BICC1: variants seen among roughly 807,000 people sequenced by gnomAD.
The protein encoded by BICC1 is BicC family RNA binding protein 1.
A neutral mutation model predicts 111.0 loss-of-function variants in BICC1; 43 were observed. The observed-to-expected ratio is 0.39, with a 90% CI of 0.30 to 0.50. The LOEUF is 0.50. Among genes scored for constraint, BICC1 ranks in the 20% least tolerant of loss-of-function variants. BICC1 has a pLI of 0.88. For missense variants in BICC1, 1,091 were observed against 1,203.2 expected, an observed-to-expected ratio of 0.91 and a Z score of 1.38; for synonymous variants, 467 against 434.4, an observed-to-expected ratio of 1.07 and a Z score of -0.93.
chr10:58,551,682 A>G (rs1843298902), intron 1 of BICC1, among the ~76,000 whole-genome samples: 1 of 152,076 alleles, frequency 6.6e-6, no homozygotes, highest in African/African-American at 2.4e-5. Context: ...GGTAACCATC[A>G]TTCTACTATT....
chr10:58,532,301 G>GA (rs35894257), intron 1 of BICC1, among the ~76,000 whole-genome samples: 4,527 of 149,248 alleles, frequency 0.03, 208 homozygotes, highest in African/African-American at 0.11. Flanking sequence ...TATGTATTAT[G>GA]AAAAAAAAAA....
chr10:58,641,202 G>T (rs773775210), intron 2 of BICC1, among the ~76,000 whole-genome samples: 10 of 152,144 alleles, frequency 6.6e-5, no homozygotes, highest in Non-Finnish European at 1.5e-4. Flanking sequence ...AACCACAGGG[G>T]TTGCTAACAG....
At chr10:58,823,729 C>T (rs1844317272) in intron 20 of BICC1, 1 of 984,922 alleles carries the variant, frequency 1.0e-6, no homozygotes, top group Non-Finnish European at 1.2e-6. Flanking sequence ...GTATGTTATT[C>T]CCCCGTGAGA....
chr10:58,553,088 A>G (rs1216338684), intron 1 of BICC1, among the ~76,000 whole-genome samples: 1 of 152,128 alleles, frequency 6.6e-6, no homozygotes, highest in African/African-American at 2.4e-5. Context: ...TCATCCCTAT[A>G]ATCTGTTAAT....
At chr10:58,675,560 TA>T (rs200325862) in intron 2 of BICC1, among the ~76,000 whole-genome samples, 2 of 150,770 alleles carry the variant, frequency 1.3e-5, no homozygotes, top group South Asian at 2.1e-4. Context: ...ATGTGGAAAA[TA>T]AAAAAAAATC....
intron 3 of BICC1, among the ~76,000 whole-genome samples, chr10:58,733,468 T>A (rs757517493): frequency 6.6e-6 from 1 of 152,198 alleles, no homozygotes; most frequent in Non-Finnish European, 1.5e-5. Context: ...AAAACTAGAG[T>A]AATAATCACA....
At chr10:58,787,645 C>T (rs948906995) in intron 5 of BICC1, among the ~76,000 whole-genome samples, 2 of 152,178 alleles carry the variant, frequency 1.3e-5, no homozygotes, top group Non-Finnish European at 2.9e-5. Context: ...GAAGTATTCT[C>T]TCTTCTAAAC....
chr10:58,719,034 G>A (rs769301703), intron 3 of BICC1, among the ~76,000 whole-genome samples: 4 of 152,130 alleles, frequency 2.6e-5, no homozygotes, highest in Non-Finnish European at 5.9e-5. Context: ...ACTTCAGTAT[G>A]TTATTTTGAA....
chr10:58,546,947 A>G lies in BICC1; in HGVS notation c.190+33614A>G, dbSNP rs1843154451. On this transcript the variant is annotated intron_variant, in intron 1 of 20. Transcript: ENST00000373886. ...GCTTAAATTGGTACCTAGAGACCTAATGGAGGTTTCTTATTTTCTTCACTG... is the reference window on the plus strand; with the variant it reads ...GCTTAAATTGGTACCTAGAGACCTAGTGGAGGTTTCTTATTTTCTTCACTG... 2.0e-5 allele frequency among the ~76,000 whole-genome samples: 3 copies of G among 152,262 alleles called. No individual in the cohort carries two copies. The South Asian group carries it at 6.2e-4, about 32-fold the overall frequency.
At chr10:58,594,738 A>G (rs1844754795) in intron 1 of BICC1, among the ~76,000 whole-genome samples, 1 of 152,214 alleles carries the variant, frequency 6.6e-6, no homozygotes, top group African/African-American at 2.4e-5. Flanking sequence ...CTAAAAATGG[A>G]AAGGAACAAC....
chr10:58,627,084 A>G (rs1837655663), intron 2 of BICC1, among the ~76,000 whole-genome samples: 1 of 152,182 alleles, frequency 6.6e-6, no homozygotes, highest in Non-Finnish European at 1.5e-5. Context: ...CCTGGGCAAC[A>G]AGAGCAAAAC....
At chr10:58,569,150 A>G (rs1843864042) in intron 1 of BICC1, among the ~76,000 whole-genome samples, 1 of 152,200 alleles carries the variant, frequency 6.6e-6, no homozygotes, top group Non-Finnish European at 1.5e-5. Context: ...TAAAAGTTAC[A>G]TTGAAAGGGA....
intron 1 of BICC1, among the ~76,000 whole-genome samples, chr10:58,543,389 A>C (rs1012151907): frequency 1.8e-4 from 27 of 152,104 alleles, no homozygotes; most frequent in African/African-American, 6.5e-4. Context: ...TTTAGTGGTT[A>C]TAGAGTTTTG....
intron 1 of BICC1, among the ~76,000 whole-genome samples, chr10:58,564,135 A>C (rs2131958364): frequency 6.6e-6 from 1 of 152,252 alleles, no homozygotes; most frequent in Admixed American, 6.5e-5. Context: ...CAACATAGTA[A>C]TTTTGAGTAT....
chr10:58,775,581 A>G (rs1444838438), intron 3 of BICC1, among the ~76,000 whole-genome samples: 1 of 152,174 alleles, frequency 6.6e-6, no homozygotes, highest in East Asian at 1.9e-4. Flanking sequence ...CCTCGCCCAA[A>G]GATATAAATC....
At chr10:58,705,685 C>G (rs1364374364) in intron 3 of BICC1, among the ~76,000 whole-genome samples, 6 of 152,146 alleles carry the variant, frequency 3.9e-5, no homozygotes, top group African/African-American at 1.4e-4. Context: ...AACTAAGGAA[C>G]TATAGAATTA....
intron 1 of BICC1, among the ~76,000 whole-genome samples, chr10:58,556,122 C>A (rs569244377): frequency 6.6e-6 from 1 of 151,900 alleles, no homozygotes; most frequent in Non-Finnish European, 1.5e-5. Context: ...AGGGTGATTG[C>A]GAAAGTTATA....
intron 3 of BICC1, among the ~76,000 whole-genome samples, chr10:58,769,216 A>C (rs1019760911): frequency 6.6e-6 from 1 of 151,734 alleles, no homozygotes; most frequent in African/African-American, 2.4e-5. Context: ...CCTAGTGTAC[A>C]GTGTGGTGAC....
rs550698264 is a variant in BICC1 at position 58,745,640 on chromosome 10, C to T, written c.308-39361C>T. Reference sequence around the variant, plus strand: ...ATTTTTTTCTGATGGCTCCATTCCTCTGTTTTCAAAGCCTTTTCTTCTGTA... The same window carrying T: ...ATTTTTTTCTGATGGCTCCATTCCTTTGTTTTCAAAGCCTTTTCTTCTGTA... On this transcript the variant is annotated intron_variant, in intron 3 of 20. Coordinates refer to ENST00000373886, the MANE Select transcript of BICC1 (RefSeq NM_001080512.3). Among the ~76,000 whole-genome samples the T allele has an allele frequency of 3.9e-5, 5 of 128,884 alleles. No individual in the cohort carries two copies. The East Asian group carries it at 8.1e-4, about 21-fold the overall frequency. 84.6% of individuals were successfully genotyped at this position (128,884 alleles called of 152,430 possible). A position where few individuals can be genotyped will look rare whatever the true frequency, so the allele number is the denominator to read the frequency against.
Sources: allele counts gnomAD v4.1 joint callset (sites outside exome capture counted in the v4.1 genomes callset), GRCh38; gene constraint gnomAD v4.1.1; transcripts MANE v1.5; gene names NCBI Gene and HGNC (gene_info 2026-07-23, HGNC 2026-07-21).